GALNT1: variants seen among roughly 807,000 people sequenced by gnomAD.
The protein encoded by GALNT1 is polypeptide N-acetylgalactosaminyltransferase 1.
Under a neutral mutation model 65.7 loss-of-function variants are expected in GALNT1, and 17 were observed. The observed-to-expected ratio is 0.26, with a 90% CI of 0.18 to 0.39. The LOEUF is 0.39. GALNT1 is among the 10% of genes least tolerant of loss of function. The pLI is 1.00. For missense variants in GALNT1, 460 were observed against 672.8 expected, an observed-to-expected ratio of 0.68 and a Z score of 3.50; for synonymous variants, 210 against 219.7, an observed-to-expected ratio of 0.96 and a Z score of 0.39.
At chr18:35,700,623 G>C (rs1402188197) in intron 9 of GALNT1, among the ~76,000 whole-genome samples, 1 of 152,158 alleles carries the variant, frequency 6.6e-6, no homozygotes, top group African/African-American at 2.4e-5. Context: ...TAGGAATCTT[G>C]TAAGGATGGT....
At chr18:35,607,471 C>A (rs974686469) in intron 1 of GALNT1, among the ~76,000 whole-genome samples, 1 of 152,092 alleles carries the variant, frequency 6.6e-6, no homozygotes, top group Non-Finnish European at 1.5e-5. Context: ...CATGCTGTAG[C>A]ATAGGATTGG....
chr18:35,630,620 A>C (rs1443202315), intron 1 of GALNT1, among the ~76,000 whole-genome samples: 1 of 152,228 alleles, frequency 6.6e-6, no homozygotes. Context: ...CAAAATTGAC[A>C]CCGTAACATC....
intron 8 of GALNT1, 43 bp downstream of exon 8, chr18:35,691,235 T>C (rs751161829): frequency 3.3e-6 from 5 of 1,514,732 alleles, no homozygotes; most frequent in Non-Finnish European, 3.6e-6. Flanking sequence ...TGTACCTTTG[T>C]TGACCCTGAT....
At chr18:35,609,261 A>G (rs1461597800) in intron 1 of GALNT1, among the ~76,000 whole-genome samples, 1 of 152,192 alleles carries the variant, frequency 6.6e-6, no homozygotes, top group Admixed American at 6.5e-5. Context: ...GAGGATAGCT[A>G]TGCTAAGCTT....
intron 1 of GALNT1, 97 bp from the exon 2 acceptor site, chr18:35,654,463 C>G (rs1401513588): frequency 1.1e-5 from 2 of 185,444 alleles, no homozygotes; most frequent in African/African-American, 4.7e-5. Context: ...ATTAATAATT[C>G]ATATTACTTA....
intron 1 of GALNT1, among the ~76,000 whole-genome samples, chr18:35,636,842 G>T (rs2047097741): frequency 8.7e-6 from 1 of 115,360 alleles, no homozygotes; most frequent in Non-Finnish European, 1.7e-5. Context: ...ACCCTACACT[G>T]AAAAAGTCCA....
intron 6 of GALNT1, 96 bp from the exon 7 acceptor site, chr18:35,689,073 TACTC>T (rs1038772746): frequency 1.0e-5 from 8 of 777,154 alleles, no homozygotes; most frequent in Middle Eastern, 2.4e-4. Flanking sequence ...AATAAGTACT[TACTC>T]AGTAGTTATA....
At chr18:35,697,565 T>C (rs1416846640) in intron 9 of GALNT1, among the ~76,000 whole-genome samples, 1 of 152,222 alleles carries the variant, frequency 6.6e-6, no homozygotes, top group Non-Finnish European at 1.5e-5. Context: ...CCTTTTTTAT[T>C]GGGGCACCTT....
intron 1 of GALNT1, chr18:35,627,471 A>G (rs2046933392): frequency 6.6e-6 from 1 of 152,194 alleles, no homozygotes; most frequent in African/African-American, 2.4e-5. Context: ...AATTCATTTG[A>G]AAAACCACTT....
chr18:35,655,065 C>T (rs1334128474), intron 2 of GALNT1, among the ~76,000 whole-genome samples: 1 of 151,964 alleles, frequency 6.6e-6, no homozygotes, highest in African/African-American at 2.4e-5. Context: ...CTTTATGTTA[C>T]TAAATAATGT....
At chr18:35,609,688 T>G (rs1490669278) in intron 1 of GALNT1, among the ~76,000 whole-genome samples, 3 of 152,148 alleles carry the variant, frequency 2.0e-5, no homozygotes, top group Non-Finnish European at 4.4e-5. Flanking sequence ...GGCACAACAT[T>G]TCATCAGAAG....
rs116570273 is a variant in GALNT1 at position 35,608,364 on chromosome 18, C to T, written c.-104+26502C>T. Among the ~76,000 whole-genome samples, 973 of 152,202 alleles carry T rather than the reference C, an allele frequency of 6.4e-3. 19 individuals are homozygous for T. Among genetic ancestry groups the T allele is most frequent in the African/African-American group, 0.022 (923 of 41,506 alleles). On this transcript the variant is annotated intron_variant, in intron 1 of 11. Coordinates refer to ENST00000269195, the MANE Select transcript of GALNT1 (RefSeq NM_020474.4). ...TTCTAAGAATTTTGCCAATAAATAA[C>T]CATGTAATTTATAAATAGAGGTAGT...
At chr18:35,691,867 CTGTT>C (rs1278767431) in intron 8 of GALNT1, among the ~76,000 whole-genome samples, 1 of 152,130 alleles carries the variant, frequency 6.6e-6, no homozygotes, top group African/African-American at 2.4e-5. Flanking sequence ...AACAATTGCT[CTGTT>C]TAATATTTGA....
intron 1 of GALNT1, among the ~76,000 whole-genome samples, chr18:35,625,365 G>A (rs181582757): frequency 2.0e-5 from 3 of 152,038 alleles, no homozygotes; most frequent in African/African-American, 7.2e-5. Flanking sequence ...CAGAAAAGTA[G>A]GAGAACAAGA....
At chr18:35,610,778 T>C (rs910652942) in intron 1 of GALNT1, among the ~76,000 whole-genome samples, 1 of 152,208 alleles carries the variant, frequency 6.6e-6, no homozygotes, top group Non-Finnish European at 1.5e-5. Flanking sequence ...AACATTTTTA[T>C]GAAAAATAAC....
chr18:35,586,108 G>C (rs2046375270), intron 1 of GALNT1, among the ~76,000 whole-genome samples: 1 of 152,188 alleles, frequency 6.6e-6, no homozygotes, highest in Non-Finnish European at 1.5e-5. Context: ...ACAGGCATGA[G>C]GCACCACGCC....
rs749687300 is a variant in GALNT1 at position 35,702,900 on chromosome 18, C to G, written c.1303C>G (p.Arg435Gly). 2 of 1,589,522 alleles carry G rather than the reference C, an allele frequency of 1.3e-6. No homozygotes were observed. The highest frequency in any genetic ancestry group is 1.7e-6 in the Non-Finnish European group (2 of 1,171,202). Residue 435 changes from arginine (R) to glycine (G), a missense_variant, in exon 10 of 12, where the codon CGA becomes GGA. By Grantham distance (125) the Arg-to-Gly change is moderately radical. Transcript: ENST00000269195. ...TTCATTATTTATTGTCCCATAGATA[C>G]GAAATGTGGAAACGAATCAGTGTCT... ...PRHYFSLGEI[R>G]NVETNQCLDN...
intron 8 of GALNT1, 142 bp downstream of exon 8, chr18:35,691,334 T>G: frequency 1.7e-6 from 1 of 603,290 alleles, no homozygotes; most frequent in South Asian, 2.9e-5. Context: ...ATGAATGAAA[T>G]CACACACAGT....
intron 3 of GALNT1, among the ~76,000 whole-genome samples, chr18:35,668,532 G>T (rs2047581124): frequency 6.6e-6 from 1 of 152,186 alleles, no homozygotes; most frequent in African/African-American, 2.4e-5. Flanking sequence ...ACGTTTGAAA[G>T]ATTATATGTA....
Sources: allele counts gnomAD v4.1 joint callset (sites outside exome capture counted in the v4.1 genomes callset), GRCh38; gene constraint gnomAD v4.1.1; transcripts MANE v1.5; gene names NCBI Gene and HGNC (gene_info 2026-07-23, HGNC 2026-07-21).